Variants in APOLD1 observed in about 807,000 individuals in gnomAD.
The protein encoded by APOLD1 is apolipoprotein L domain-containing protein 1.
A neutral mutation model predicts 15.3 loss-of-function variants in APOLD1; 22 were observed. The ratio of observed to expected loss-of-function variants is 1.44; its 90% CI spans 1.03 to 2.05. APOLD1 has a LOEUF of 2.05. Among genes scored for constraint, APOLD1 ranks in the 30% most tolerant of loss-of-function variants. APOLD1 has a pLI of 0.00. For missense variants in APOLD1, 394 were observed against 353.5 expected (o/e 1.11, Z -0.92); for synonymous variants, 190 against 167.4 (o/e 1.13, Z -1.04).
In APOLD1 at chr12:12,789,469, T is replaced by A. The variant is rs555148060; in HGVS notation, c.*1817T>A. ...CCTGAAGGTATTTTGCCAGAAGGTA[T>A]CACTTGACCTGGAAAAGGAATCTAT... On this transcript the variant is annotated 3_prime_UTR_variant, in exon 2 of 2. Coordinates refer to ENST00000356591, the MANE Select transcript of APOLD1 (RefSeq NM_030817.3). 4.1e-4 allele frequency: 63 copies of A among 152,350 alleles called. 1 individual carries two copies. Among genetic ancestry groups the A allele is most frequent in the African/African-American group, 1.5e-3 (61 of 41,578 alleles). 9.4% of individuals were successfully genotyped at this position (152,350 alleles called of 1,614,324 possible).
upstream of APOLD1, among the ~76,000 whole-genome samples, chr12:12,782,917 A>G (rs1223735797): frequency 1.3e-5 from 2 of 152,168 alleles, no homozygotes; most frequent in African/African-American, 4.8e-5. Context: ...GAAATTAAAC[A>G]AATGCTGGCT....
At chr12:12,764,796 T>C in intron 1 of APOLD1, 1 of 407,622 alleles carries the variant, frequency 2.5e-6, no homozygotes, top group Non-Finnish European at 5.4e-6. Flanking sequence ...TCCATGCCAG[T>C]GAAGAGTAAG....
At chr12:12,782,611 G>C (rs190308414), upstream of APOLD1, among the ~76,000 whole-genome samples, 45 of 152,330 alleles carry the variant, frequency 3.0e-4, no homozygotes, top group African/African-American at 1.0e-3. Context: ...AGGCTGCGGT[G>C]AGGCGTGATG....
chr12:12,776,656 T>G (rs1947036130), intron 1 of APOLD1, among the ~76,000 whole-genome samples: 1 of 152,250 alleles, frequency 6.6e-6, no homozygotes, highest in African/African-American at 2.4e-5. Flanking sequence ...TTAGGAAGCC[T>G]GGGACAGTTA....
intron 1 of APOLD1, among the ~76,000 whole-genome samples, chr12:12,739,304 AG>A (rs1273077873): frequency 2.0e-5 from 3 of 152,384 alleles, no homozygotes; most frequent in Admixed American, 2.0e-4. Context: ...GTGGCCTGAA[AG>A]CCAGGGAGAT....
chr12:12,744,201 C>T (rs542814148), intron 1 of APOLD1, among the ~76,000 whole-genome samples: 7 of 151,402 alleles, frequency 4.6e-5, no homozygotes, highest in East Asian at 1.9e-4. Flanking sequence ...CCCAGCTACT[C>T]GGGAGGCTGA....
chr12:12,748,012 T>C (rs1320387342), intron 1 of APOLD1, among the ~76,000 whole-genome samples: 2 of 152,208 alleles, frequency 1.3e-5, no homozygotes, highest in Non-Finnish European at 2.9e-5. Context: ...TCAGAGGCTG[T>C]AGCAGGGCCT....
rs1565432721 is a variant in APOLD1, at chr12:12,761,806, A to ATATAT, written c.97-25103_97-25102insTATAT. 2.9e-3 allele frequency among the ~76,000 whole-genome samples: 280 copies of ATATAT among 97,844 alleles called. 9 individuals are homozygous for ATATAT. Among genetic ancestry groups the ATATAT allele is most frequent in the African/African-American group, 0.012 (261 of 21,818 alleles). The allele number at this position is 97,844 out of a possible 152,430, so 64.2% of individuals were successfully genotyped here. On this transcript the variant is annotated intron_variant, in intron 1 of 1. Transcript: ENST00000326765. ...TTGAATGAACATATATATATACATGAACATATACATATATGTATATGTATA... is the reference window on the plus strand; with the variant it reads ...TTGAATGAACATATATATATACATGATATATACATATACATATATGTATATGTATA...
intron 1 of APOLD1, among the ~76,000 whole-genome samples, chr12:12,760,327 C>CAACA (rs893344905): frequency 1.1e-4 from 17 of 148,236 alleles, no homozygotes; most frequent in East Asian, 2.0e-4. Flanking sequence ...CCCGGTCTCA[C>CAACA]AACAAACAAA....
chr12:12,760,327 C>T (rs1946888349), intron 1 of APOLD1, among the ~76,000 whole-genome samples: 1 of 148,234 alleles, frequency 6.7e-6, no homozygotes, highest in Admixed American at 6.8e-5. Flanking sequence ...CCCGGTCTCA[C>T]AACAAACAAA....
chr12:12,746,531 A>G (rs1056296412), intron 1 of APOLD1, among the ~76,000 whole-genome samples: 3 of 152,208 alleles, frequency 2.0e-5, no homozygotes, highest in African/African-American at 7.2e-5. Context: ...AAATACATAC[A>G]TACATATTGC....
chr12:12,765,361 T>C (rs1157035594), intron 1 of APOLD1, among the ~76,000 whole-genome samples: 1 of 152,156 alleles, frequency 6.6e-6, no homozygotes, highest in Non-Finnish European at 1.5e-5. Context: ...CTCAATATAT[T>C]TTTATATTAT....
At chr12:12,726,070 G>C (rs904877617) in exon 1 of APOLD1, 1 of 1,525,876 alleles carries the variant, frequency 6.6e-7, no homozygotes, top group Non-Finnish European at 8.8e-7. Context: ...AGCCTGGCGA[G>C]GATGCACCTT....
At position 12,761,804 on chromosome 12, in the gene APOLD1, TGA is replaced by T. The variant is rs1158036106; in HGVS notation, c.97-25104_97-25103del. On this transcript the variant is annotated intron_variant, in intron 1 of 1. Transcript: ENST00000326765. The stretch of plus-strand genomic sequence containing the variant: ...GTTTGAATGAACATATATATATACA[TGA>T]ACATATACATATATGTATATGTATA... 2.9e-3 allele frequency among the ~76,000 whole-genome samples: 411 copies of T among 140,290 alleles called. 11 individuals are homozygous for T. The highest frequency in any genetic ancestry group is 8.8e-3 in the South Asian group (36 of 4,108). The allele number at this position is 140,290 out of a possible 152,430, so 92.0% of individuals were successfully genotyped here.
chr12:12,744,301 C>A (rs1273051237), intron 1 of APOLD1, among the ~76,000 whole-genome samples: 1 of 129,764 alleles, frequency 7.7e-6, no homozygotes, highest in Non-Finnish European at 1.6e-5. Context: ...AGAGCCAGAC[C>A]CTGCTTAAAA....
In APOLD1 at chr12:12,790,667, G is replaced by A. The variant is rs2136405368; in HGVS notation, c.*3015G>A. On this transcript the variant is annotated 3_prime_UTR_variant, in exon 2 of 2. Transcript: ENST00000356591. ...TTGGAACGATACTTTGCACATAGTA[G>A]GAACTCAAGAAATACATTTGAATAA... 6.6e-6 allele frequency: 1 copy of A among 152,226 alleles called. No homozygotes were observed. Among genetic ancestry groups the A allele is most frequent in the Admixed American group, 6.5e-5 (1 of 15,280 alleles). 9.4% of individuals were successfully genotyped at this position (152,226 alleles called of 1,614,324 possible). A position where few individuals can be genotyped will look rare whatever the true frequency, so the allele number is the denominator to read the frequency against.
intron 1 of APOLD1, among the ~76,000 whole-genome samples, chr12:12,743,089 C>T (rs781269765): frequency 1.3e-5 from 2 of 152,234 alleles, no homozygotes; most frequent in Non-Finnish European, 2.9e-5. Flanking sequence ...CTTGGTTGAG[C>T]TGGTTTCCCA....
intron 1 of APOLD1, among the ~76,000 whole-genome samples, chr12:12,745,889 C>G (rs1411843789): frequency 3.9e-5 from 6 of 152,044 alleles, no homozygotes; most frequent in Non-Finnish European, 7.3e-5. Context: ...AGAAAGGTTG[C>G]AAGAAGAAGC....
intron 1 of APOLD1, among the ~76,000 whole-genome samples, chr12:12,757,378 C>T (rs765065747): frequency 5.9e-5 from 9 of 152,162 alleles, no homozygotes; most frequent in South Asian, 4.1e-4. Context: ...CAGCTAACCC[C>T]GCATGACAGC....
Sources: allele counts gnomAD v4.1 joint callset (sites outside exome capture counted in the v4.1 genomes callset), GRCh38; gene constraint gnomAD v4.1.1; transcripts MANE v1.5; gene names NCBI Gene and HGNC (gene_info 2026-07-23, HGNC 2026-07-21).